Variants in INPP4B observed in about 807,000 individuals in gnomAD.
INPP4B encodes inositol polyphosphate-4-phosphatase type II B.
INPP4B carries 55 observed loss-of-function variants against 122.5 expected under a neutral mutation model. That is an observed-to-expected ratio of 0.45 (90% CI 0.36 to 0.56). INPP4B has a LOEUF of 0.56. Among genes scored for constraint, INPP4B ranks in the 20% least tolerant of loss-of-function variants. INPP4B has a pLI of 0.00. For synonymous variants in INPP4B, 403 were observed against 388.7 expected (o/e 1.04, Z -0.43); for missense variants, 1,000 against 1,097.7 (o/e 0.91, Z 1.26).
chr4:142,538,189 T>C (rs748658350), intron 2 of INPP4B, among the ~76,000 whole-genome samples: 1 of 152,116 alleles, frequency 6.6e-6, no homozygotes, highest in Non-Finnish European at 1.5e-5. Context: ...TTTCCCATAC[T>C]CCTTCTTTGT....
intron 25 of INPP4B, among the ~76,000 whole-genome samples, chr4:142,033,823 C>T (rs542191982): frequency 5.9e-4 from 72 of 121,912 alleles, no homozygotes; most frequent in South Asian, 9.8e-4. Context: ...CACCAACATG[C>T]GCAGCTAATT....
chr4:142,822,821 A>G (rs1272937080), intron 1 of INPP4B, among the ~76,000 whole-genome samples: 1 of 152,150 alleles, frequency 6.6e-6, no homozygotes, highest in African/African-American at 2.4e-5. Context: ...TACAATTTGG[A>G]ATTCCTTCTG....
chr4:142,833,771 T>C (rs540539001), intron 1 of INPP4B, among the ~76,000 whole-genome samples: 1 of 152,236 alleles, frequency 6.6e-6, no homozygotes, highest in African/African-American at 2.4e-5. Context: ...CTAGCAACTG[T>C]TTCTAATGCT....
chr4:142,520,656 T>A (rs1394202045), intron 2 of INPP4B, among the ~76,000 whole-genome samples: 4 of 151,960 alleles, frequency 2.6e-5, no homozygotes, highest in Non-Finnish European at 2.9e-5. Context: ...AAATTGGACT[T>A]ACACTTAATA....
rs1249449717 is a variant in INPP4B at position 142,237,868 on chromosome 4, A to C, written c.832T>G (p.Cys278Gly). 6.4e-7 allele frequency: 1 copy of C among 1,553,194 alleles called. No individual in the cohort carries two copies. Residue 278 changes from cysteine (C) to glycine (G), a missense_variant, in exon 12 of 26, where the codon TGC becomes GGC. Transcript: ENST00000262992. ...LISLHIKEDL[C>G]RNQEIKELGE... ...AAAATAGTTATTTTCTCTTACCTGCACAAATCTTCTTTAATGTGAAGGGAA... is the reference window on the plus strand; with the variant it reads ...AAAATAGTTATTTTCTCTTACCTGCCCAAATCTTCTTTAATGTGAAGGGAA...
intron 7 of INPP4B, among the ~76,000 whole-genome samples, chr4:142,324,783 T>C (rs1265790083): frequency 1.3e-5 from 2 of 152,136 alleles, no homozygotes; most frequent in Non-Finnish European, 2.9e-5. Flanking sequence ...TCACTTTGCT[T>C]TTTGGAAGCC....
intron 1 of INPP4B, among the ~76,000 whole-genome samples, chr4:142,726,356 T>C (rs1393169245): frequency 6.6e-6 from 1 of 152,202 alleles, no homozygotes; most frequent in Non-Finnish European, 1.5e-5. Flanking sequence ...TTCATGAAAG[T>C]TTGGGTCTTT....
chr4:142,716,652 TAA>T, intron 2 of INPP4B, among the ~76,000 whole-genome samples: 1 of 152,184 alleles, frequency 6.6e-6, no homozygotes, highest in East Asian at 1.9e-4. Context: ...TCCTGAAAGG[TAA>T]AGTTTCCTAA....
rs546186290 is a variant in INPP4B at position 142,665,477 on chromosome 4, G to A, written c.-191+60362C>T. On this transcript the variant is annotated intron_variant, in intron 2 of 25. Transcript: ENST00000262992. Reference sequence around the variant, plus strand: ...CCACTGCACTCCAGCCTGGGTGACAGAGCGAGACTCTGTCTCAAAAAAAAA... The same window carrying A: ...CCACTGCACTCCAGCCTGGGTGACAAAGCGAGACTCTGTCTCAAAAAAAAA... Among the ~76,000 whole-genome samples the A allele has an allele frequency of 2.8e-4, 35 of 126,202 alleles. No homozygotes were observed. The Admixed American group carries it at 3.6e-3, about 13-fold the overall frequency. 82.8% of individuals were successfully genotyped at this position (126,202 alleles called of 152,430 possible). A position where few individuals can be genotyped will look rare whatever the true frequency, so the allele number is the denominator to read the frequency against.
chr4:142,536,077 C>T (rs1014372457), intron 2 of INPP4B, among the ~76,000 whole-genome samples: 2 of 152,192 alleles, frequency 1.3e-5, no homozygotes, highest in African/African-American at 2.4e-5. Context: ...GAGCAAGACT[C>T]TGCAGGACCA....
intron 3 of INPP4B, among the ~76,000 whole-genome samples, chr4:142,447,951 A>C (rs1458952862): frequency 6.6e-6 from 1 of 152,096 alleles, no homozygotes; most frequent in Non-Finnish European, 1.5e-5. Context: ...GGTGAAAAAG[A>C]CTGTTTTTCA....
At chr4:142,070,505 G>T (rs1328649831) in intron 25 of INPP4B, among the ~76,000 whole-genome samples, 1 of 152,072 alleles carries the variant, frequency 6.6e-6, no homozygotes, top group Non-Finnish European at 1.5e-5. Flanking sequence ...GGCAGGAGAA[G>T]GAAATAAATG....
rs568463867 is a variant in INPP4B, at chr4:142,424,717, T to G, written c.136+4456A>C. On this transcript the variant is annotated intron_variant, in intron 5 of 25. Transcript: ENST00000262992. The stretch of plus-strand genomic sequence containing the variant: ...ATAGCTTATATTCATCAACTCTGAG[T>G]TGGGGATGAAATACAGTGGCTTTTA... 5.3e-5 allele frequency among the ~76,000 whole-genome samples: 8 copies of G among 152,220 alleles called. No homozygotes were observed. The South Asian group carries it at 1.7e-3, about 32-fold the overall frequency.
intron 9 of INPP4B, among the ~76,000 whole-genome samples, chr4:142,292,432 G>T (rs998514747): frequency 1.3e-5 from 2 of 152,162 alleles, no homozygotes; most frequent in Non-Finnish European, 2.9e-5. Flanking sequence ...TTGGCAGACT[G>T]CCCAACAAAC....
At chr4:142,513,738 C>A (rs951910659) in intron 2 of INPP4B, among the ~76,000 whole-genome samples, 1 of 152,098 alleles carries the variant, frequency 6.6e-6, no homozygotes, top group Non-Finnish European at 1.5e-5. Flanking sequence ...GGCACTAATC[C>A]GATCCAGGAG....
chr4:142,124,517 T>C (rs758866151), intron 19 of INPP4B, 71 bp downstream of exon 19: 53 of 1,349,426 alleles, frequency 3.9e-5, no homozygotes, highest in Non-Finnish European at 5.2e-5. Context: ...ATAAGAATTC[T>C]ATTCATCATC....
chr4:142,503,440 T>G (rs1823635245), intron 2 of INPP4B, among the ~76,000 whole-genome samples: 1 of 152,072 alleles, frequency 6.6e-6, no homozygotes, highest in Non-Finnish European at 1.5e-5. Context: ...TACAAAATAC[T>G]GAGAAATTAA....
At chr4:142,622,597 T>C (rs1336466633) in intron 2 of INPP4B, among the ~76,000 whole-genome samples, 1 of 151,904 alleles carries the variant, frequency 6.6e-6, no homozygotes, top group Non-Finnish European at 1.5e-5. Context: ...GGGAAATTCC[T>C]TGGACCAAAA....
At chr4:142,719,473 C>A (rs1347268355) in intron 2 of INPP4B, among the ~76,000 whole-genome samples, 1 of 151,562 alleles carries the variant, frequency 6.6e-6, no homozygotes, top group African/African-American at 2.4e-5. Flanking sequence ...TACAGGTGCC[C>A]GTCACATGCC....
Sources: allele counts gnomAD v4.1 joint callset (sites outside exome capture counted in the v4.1 genomes callset), GRCh38; gene constraint gnomAD v4.1.1; transcripts MANE v1.5; gene names NCBI Gene and HGNC (gene_info 2026-07-23, HGNC 2026-07-21).